Variants in MRC1 observed in about 807,000 individuals in gnomAD.
MRC1 encodes macrophage mannose receptor 1.
A neutral mutation model predicts 102.9 loss-of-function variants in MRC1; 62 were observed. The ratio of observed to expected loss-of-function variants is 0.60; its 90% confidence interval spans 0.49 to 0.74. The LOEUF (loss-of-function observed/expected upper bound fraction) is 0.74, where lower values mean the gene tolerates loss of function less well. MRC1 is among the 30% of genes least tolerant of loss of function. MRC1 has a pLI of 0.00. For synonymous variants in MRC1, 457 were observed against 298.4 expected, an observed-to-expected ratio of 1.53 and a Z score of -5.48; for missense variants, 1,237 against 862.8, an observed-to-expected ratio of 1.43 and a Z score of -5.43.
chr10:17,826,161 C>T (rs944340605), intron 2 of MRC1, among the ~76,000 whole-genome samples: 7 of 151,410 alleles, frequency 4.6e-5, no homozygotes, highest in African/African-American at 1.7e-4. Context: ...TTTATATTAT[C>T]AAAATGACTA....
rs1554838442 is a variant in MRC1, at chr10:17,823,445, A to G, written c.433A>G (p.Thr145Ala). The G allele has an allele frequency of 1.3e-6, 1 of 780,860 alleles. No homozygotes were observed. The highest frequency in any genetic ancestry group is 2.4e-6 in the Non-Finnish European group (1 of 417,944). 48.4% of individuals were successfully genotyped at this position (780,860 alleles called of 1,614,324 possible). The stretch of plus-strand genomic sequence containing the variant: ...GAGCAGGTGGAAGATCTATGGAACC[A>G]CAGACAATCTGTGCTCCAGAGGTTA... ...LWSRWKIYGT[T>A]DNLCSRGYEA... is the part of the protein sequence containing the mutation. The change falls in exon 2 of 30, where the codon ACA becomes GCA. Residue 145 changes from threonine to alanine, a missense_variant. Coordinates refer to ENST00000569591, the MANE Select transcript of MRC1 (RefSeq NM_002438.4).
intron 22 of MRC1, among the ~76,000 whole-genome samples, chr10:17,893,882 G>A (rs1338512397): frequency 1.3e-5 from 2 of 152,274 alleles, no homozygotes; most frequent in African/African-American, 4.8e-5. Context: ...AGTATGGAGA[G>A]GATACTGTGT....
chr10:17,908,010 A>G (rs1833918918), intron 28 of MRC1, among the ~76,000 whole-genome samples: 1 of 152,192 alleles, frequency 6.6e-6, no homozygotes, highest in Non-Finnish European at 1.5e-5. Context: ...GCATGAGGGA[A>G]AAGGTGGTAA....
At chr10:17,842,333 A>G (rs1838764522) in intron 5 of MRC1, among the ~76,000 whole-genome samples, 1 of 152,216 alleles carries the variant, frequency 6.6e-6, no homozygotes. Context: ...AATATTTCAA[A>G]TAGATGCTAA....
intron 1 of MRC1, among the ~76,000 whole-genome samples, chr10:17,822,662 A>G (rs1366704746): frequency 2.0e-5 from 3 of 152,262 alleles, no homozygotes; most frequent in African/African-American, 4.8e-5. Context: ...TAGGACATAC[A>G]TGCATTTAAT....
At chr10:17,853,176 T>A (rs1438834312) in intron 8 of MRC1, 52 bp downstream of exon 8, 5 of 778,488 alleles carry the variant, frequency 6.4e-6, no homozygotes, top group Non-Finnish European at 1.2e-5. Context: ...GGGGGATTTT[T>A]CCTTCTGTCC....
At position 17,888,708 on chromosome 10, in the gene MRC1, C is replaced by A. The variant is rs966245689; in HGVS notation, c.3147+3273C>A. 1.4e-3 allele frequency among the ~76,000 whole-genome samples: 220 copies of A among 152,166 alleles called. 2 individuals carry two copies. Among genetic ancestry groups the A allele is most frequent in the African/African-American group, 5.1e-3 (211 of 41,506 alleles). On this transcript the variant is annotated intron_variant, in intron 22 of 29. Coordinates refer to ENST00000569591, the MANE Select transcript of MRC1 (RefSeq NM_002438.4). The stretch of plus-strand genomic sequence containing the variant: ...ATATGGTCTGTCTTGGTGAATGTTT[C>A]ATGTGATCTTGAGAAGAATGTATAT...
chr10:17,866,111 A>C (rs940803068), intron 11 of MRC1, among the ~76,000 whole-genome samples: 14 of 152,330 alleles, frequency 9.2e-5, no homozygotes, highest in African/African-American at 3.4e-4. Context: ...AAGCAAGTTC[A>C]GAGCGTTTGA....
intron 1 of MRC1, among the ~76,000 whole-genome samples, chr10:17,819,762 G>A (rs1838368128): frequency 6.6e-6 from 1 of 152,078 alleles, no homozygotes. Context: ...AGGCAACAAA[G>A]TGACACCCCT....
intron 17 of MRC1, among the ~76,000 whole-genome samples, chr10:17,877,332 T>G: frequency 6.8e-6 from 1 of 148,030 alleles, no homozygotes; most frequent in East Asian, 1.9e-4. Flanking sequence ...AAAATATATA[T>G]AGAAAATATA....
intron 1 of MRC1, among the ~76,000 whole-genome samples, chr10:17,818,666 G>A (rs1256235645): frequency 1.3e-5 from 2 of 152,132 alleles, no homozygotes; most frequent in Admixed American, 6.5e-5. Flanking sequence ...AAAATTAGGT[G>A]GGTGTGGTGA....
intron 3 of MRC1, among the ~76,000 whole-genome samples, chr10:17,832,352 C>T (rs1248334040): frequency 6.6e-6 from 1 of 150,674 alleles, no homozygotes; most frequent in Non-Finnish European, 1.5e-5. Flanking sequence ...GTCAGGAGAT[C>T]GAGACCATCC....
At chr10:17,902,749 A>G (rs1428162624) in intron 26 of MRC1, among the ~76,000 whole-genome samples, 1 of 152,142 alleles carries the variant, frequency 6.6e-6, no homozygotes, top group Non-Finnish European at 1.5e-5. Context: ...ACGTTCTTTC[A>G]AAAGTCAACC....
At chr10:17,870,478 T>G (rs1008876065) in intron 13 of MRC1, 105 bp downstream of exon 13, 50 of 774,282 alleles carry the variant, frequency 6.5e-5, no homozygotes, top group Middle Eastern at 5.3e-4. Context: ...GATGCTAGTT[T>G]GAGCACCTGT....
At chr10:17,846,071 C>A (rs1321330834) in intron 6 of MRC1, among the ~76,000 whole-genome samples, 1 of 152,050 alleles carries the variant, frequency 6.6e-6, no homozygotes, top group Non-Finnish European at 1.5e-5. Context: ...TCACGCCCAG[C>A]TAATTTTTGT....
chr10:17,873,695 A>G, intron 15 of MRC1, 89 bp from the exon 16 acceptor site: 1 of 821,028 alleles, frequency 1.2e-6, no homozygotes, highest in Non-Finnish European at 2.2e-6. Context: ...TTTTAGCAAT[A>G]TTGACTCATG....
At chr10:17,848,008 A>G (rs1214467132) in intron 6 of MRC1, among the ~76,000 whole-genome samples, 2 of 147,918 alleles carry the variant, frequency 1.4e-5, no homozygotes, top group African/African-American at 5.0e-5. Flanking sequence ...TGCATTTTTT[A>G]TTACAATTGT....
At chr10:17,885,177 A>G (rs1425282371) in intron 21 of MRC1, 92 bp from the exon 22 acceptor site, 9 of 769,258 alleles carry the variant, frequency 1.2e-5, no homozygotes, top group Non-Finnish European at 2.2e-5. Flanking sequence ...GTCACATGCT[A>G]AATATTTTGA....
rs1833090273 is a variant in MRC1 at position 17,856,222 on chromosome 10, TC to T, written c.1408-19del. ...AAACTGATAATCCTTTATTTTTTTC[TC>T]TCTCTCTGCTCCCTGCAGGATGGGT... On this transcript the variant is annotated intron_variant, in intron 8 of 29. Transcript: ENST00000569591. 6.0e-6 allele frequency: 5 copies of T among 832,622 alleles called. No homozygotes were observed. The African/African-American group carries it at 6.6e-5, about 11-fold the overall frequency. 51.6% of individuals were successfully genotyped at this position (832,622 alleles called of 1,614,324 possible). A position where few individuals can be genotyped will look rare whatever the true frequency, so the allele number is the denominator to read the frequency against.
Sources: gnomAD v4.1 joint callset for allele counts (sites outside exome capture counted in the v4.1 genomes callset) on GRCh38, gnomAD v4.1.1 for gene constraint, MANE v1.5 for transcripts, NCBI Gene and HGNC (gene_info 2026-07-23, HGNC 2026-07-21) for gene names.